The following ZNF365 variants were observed in gnomAD, a reference collection of about 807,000 sequenced individuals.
The protein encoded by ZNF365 is protein ZNF365.
A neutral mutation model predicts 35.0 loss-of-function variants in ZNF365; 22 were observed. The observed-to-expected ratio is 0.63, with a 90% CI of 0.45 to 0.90. The LOEUF is 0.90. Among genes scored for constraint, ZNF365 ranks in the 40% least tolerant of loss-of-function variants. The pLI is 0.00. For missense variants in ZNF365, 448 were observed against 500.3 expected (o/e 0.90, Z 1.00); for synonymous variants, 188 against 196.2 (o/e 0.96, Z 0.35).
chr10:62,388,658 G>GGACAGAGAAAAGA, intron 3 of ZNF365, 82 bp downstream of exon 3: 1 of 1,519,582 alleles, frequency 6.6e-7, no homozygotes. Flanking sequence ...AAGGGAGCTG[G>GGACAGAGAAAAGA]GTGACTTGCA....
At chr10:62,402,504 G>GT (rs1245983643), downstream of ZNF365, 1 of 972,166 alleles carries the variant, frequency 1.0e-6, no homozygotes, top group Non-Finnish European at 1.2e-6. Flanking sequence ...CAAGTATGTT[G>GT]ATCCACTAAC....
chr10:62,443,213 G>A (rs975007225), intron 3 of ZNF365, among the ~76,000 whole-genome samples: 18 of 152,226 alleles, frequency 1.2e-4, no homozygotes, highest in African/African-American at 4.3e-4. Flanking sequence ...TCAGTTATCA[G>A]CTTCTTCCTT....
chr10:62,432,718 C>T (rs1469846027), intron 3 of ZNF365, among the ~76,000 whole-genome samples: 1 of 152,160 alleles, frequency 6.6e-6, no homozygotes, highest in African/African-American at 2.4e-5. Flanking sequence ...ATGATAGCAA[C>T]TATTACCATT....
intron 4 of ZNF365, among the ~76,000 whole-genome samples, chr10:62,462,996 G>A (rs1840872881): frequency 6.6e-6 from 1 of 152,170 alleles, no homozygotes. Flanking sequence ...TATACCAGTA[G>A]TTCAGTTTCT....
intron 4 of ZNF365, among the ~76,000 whole-genome samples, chr10:62,399,192 C>A (rs1839781630): frequency 6.6e-6 from 1 of 152,184 alleles, no homozygotes; most frequent in African/African-American, 2.4e-5. Flanking sequence ...CGTCACTTAA[C>A]AAGTCAAGAG....
intron 3 of ZNF365, among the ~76,000 whole-genome samples, chr10:62,415,298 A>G (rs1298705500): frequency 2.6e-5 from 4 of 152,014 alleles, no homozygotes; most frequent in Non-Finnish European, 5.9e-5. Context: ...CTTTCTCCCC[A>G]GTGTGTTCGC....
chr10:62,408,802 G>C (rs753875720), intron 3 of ZNF365, among the ~76,000 whole-genome samples: 11 of 152,196 alleles, frequency 7.2e-5, no homozygotes, highest in African/African-American at 2.4e-4. Flanking sequence ...AGACTAGATC[G>C]TAGAACAGCC....
intron 3 of ZNF365, among the ~76,000 whole-genome samples, chr10:62,407,765 G>A (rs1230611135): frequency 6.6e-6 from 1 of 152,142 alleles, no homozygotes; most frequent in Non-Finnish European, 1.5e-5. Flanking sequence ...TGCATCTATG[G>A]TAAGATAGAA....
intron 3 of ZNF365, among the ~76,000 whole-genome samples, chr10:62,452,735 C>G (rs998271572): frequency 1.3e-4 from 20 of 152,246 alleles, no homozygotes; most frequent in Non-Finnish European, 1.3e-4. Context: ...GGTCCTAACT[C>G]TAGGAATAAG....
At chr10:62,453,763 A>T (rs1840721489) in intron 3 of ZNF365, among the ~76,000 whole-genome samples, 1 of 152,242 alleles carries the variant, frequency 6.6e-6, no homozygotes, top group African/African-American at 2.4e-5. Context: ...GGAAATAAAT[A>T]TGAAAGTATG....
chr10:62,447,133 G>A (rs1177445598), intron 3 of ZNF365, among the ~76,000 whole-genome samples: 2 of 152,146 alleles, frequency 1.3e-5, no homozygotes, highest in Non-Finnish European at 1.5e-5. Flanking sequence ...TAGCAAGACA[G>A]AGAGTCAGAG....
At chr10:62,434,624 A>G (rs1378618596) in intron 3 of ZNF365, among the ~76,000 whole-genome samples, 3 of 152,194 alleles carry the variant, frequency 2.0e-5, no homozygotes, top group Non-Finnish European at 4.4e-5. Flanking sequence ...ACTGCACGGA[A>G]CCGGCTCCAC....
chr10:62,445,506 C>T (rs1589457658), intron 3 of ZNF365, among the ~76,000 whole-genome samples: 1 of 152,172 alleles, frequency 6.6e-6, no homozygotes, highest in Non-Finnish European at 1.5e-5. Flanking sequence ...GGTGAGGCAG[C>T]CCCAACCAGG....
intron 3 of ZNF365, among the ~76,000 whole-genome samples, chr10:62,438,746 C>T (rs912453065): frequency 5.3e-5 from 8 of 152,186 alleles, no homozygotes; most frequent in African/African-American, 1.7e-4. Flanking sequence ...TGAATAGATT[C>T]TGGCAAAATC....
intron 3 of ZNF365, among the ~76,000 whole-genome samples, chr10:62,392,927 C>CG (rs897422578): frequency 3.9e-5 from 6 of 152,194 alleles, no homozygotes; most frequent in African/African-American, 1.4e-4. Flanking sequence ...CCACCGCACC[C>CG]GGCCCTATGT....
intron 4 of ZNF365, among the ~76,000 whole-genome samples, chr10:62,475,094 C>G (rs1029457534): frequency 1.3e-5 from 2 of 152,190 alleles, no homozygotes; most frequent in African/African-American, 4.8e-5. Flanking sequence ...CTCATGGCCA[C>G]TCTGGCAAGA....
chr10:62,428,263 C>T (rs900428606), intron 3 of ZNF365, among the ~76,000 whole-genome samples: 3 of 152,070 alleles, frequency 2.0e-5, no homozygotes, highest in Non-Finnish European at 4.4e-5. Flanking sequence ...TTAGAGAGGC[C>T]TTGATATGGT....
chr10:62,397,478 G>A (rs556525812), intron 3 of ZNF365, among the ~76,000 whole-genome samples: 3 of 152,308 alleles, frequency 2.0e-5, no homozygotes, highest in East Asian at 3.9e-4. Flanking sequence ...GCCTGCTAAT[G>A]TGACACCACT....
In ZNF365 at chr10:62,376,951, CAG is replaced by C. The variant is rs149800343; in HGVS notation, c.743+16_743+17del. On this transcript the variant is annotated intron_variant, in intron 2 of 4. Coordinates refer to ENST00000395254, the MANE Select transcript of ZNF365 (RefSeq NM_014951.3). ...AGGAAAGAAGAGTAAGTGTTGCTGA[CAG>C]GGGATGCTAACCCCATTGCTTTAAG... 461,129 of 1,602,568 alleles carry C rather than the reference CAG, an allele frequency of 0.29. 68,047 individuals carry two copies. Among genetic ancestry groups the C allele is most frequent in the Admixed American group, 0.37 (22,099 of 59,296 alleles).
Sources: gnomAD v4.1 joint callset for allele counts (sites outside exome capture counted in the v4.1 genomes callset) on GRCh38, gnomAD v4.1.1 for gene constraint, MANE v1.5 for transcripts, NCBI Gene and HGNC (gene_info 2026-07-23, HGNC 2026-07-21) for gene names.